Variants in PHF24 observed in about 807,000 individuals in gnomAD.
PHF24 encodes Galpha inhibitory interacting protein.
A neutral mutation model predicts 42.6 loss-of-function variants in PHF24; 25 were observed. The observed-to-expected ratio is 0.59, with a 90% CI of 0.43 to 0.82. The LOEUF is 0.82. PHF24 is among the 40% of genes least tolerant of loss of function. PHF24 has a pLI of 0.00. For synonymous variants in PHF24, 185 were observed against 204.8 expected (o/e 0.90, Z 0.83); for missense variants, 470 against 538.1 (o/e 0.87, Z 1.25).
the PHF24 span, among the ~76,000 whole-genome samples, chr9:34,893,628 A>G: frequency 6.6e-6 from 1 of 151,968 alleles, no homozygotes; most frequent in African/African-American, 2.4e-5. Context: ...AAAGAAAAGA[A>G]AAAGAAAAAG....
At chr9:34,943,171 C>A in the PHF24 span, among the ~76,000 whole-genome samples, 1 of 152,122 alleles carries the variant, frequency 6.6e-6, no homozygotes, top group Non-Finnish European at 1.5e-5. Flanking sequence ...CAGGACCCAC[C>A]CAGGGATGTG....
chr9:34,752,900 G>A, the PHF24 span, among the ~76,000 whole-genome samples: 1 of 152,098 alleles, frequency 6.6e-6, no homozygotes, highest in African/African-American at 2.4e-5. Flanking sequence ...ATCAATCAAT[G>A]TGATATATCA....
chr9:34,931,998 A>G, the PHF24 span, among the ~76,000 whole-genome samples: 1 of 152,182 alleles, frequency 6.6e-6, no homozygotes, highest in Non-Finnish European at 1.5e-5. Context: ...GAAAAGTGTA[A>G]GTCCTTATGG....
At chr9:34,723,700 A>G in the PHF24 span, 16 of 1,551,624 alleles carry the variant, frequency 1.0e-5, no homozygotes, top group Non-Finnish European at 1.4e-5. Context: ...GGCCCTGCAA[A>G]GGCTTAGCCT....
the PHF24 span, among the ~76,000 whole-genome samples, chr9:34,940,119 A>G: frequency 1.3e-5 from 2 of 152,164 alleles, no homozygotes; most frequent in African/African-American, 2.4e-5. Context: ...TAACTGCCAA[A>G]CTTCACCCTT....
the PHF24 span, among the ~76,000 whole-genome samples, chr9:34,780,810 T>C: frequency 1.3e-5 from 2 of 152,142 alleles, no homozygotes; most frequent in East Asian, 3.8e-4. Flanking sequence ...TGGATAGACA[T>C]TTTTCCAAAG....
chr9:34,673,685 G>C, the PHF24 span, among the ~76,000 whole-genome samples: 1 of 149,260 alleles, frequency 6.7e-6, no homozygotes, highest in Admixed American at 6.7e-5. Flanking sequence ...GCAGTGGTGT[G>C]ATCTCGGCTC....
chr9:34,731,867 T>C, the PHF24 span, among the ~76,000 whole-genome samples: 15 of 152,100 alleles, frequency 9.9e-5, no homozygotes, highest in African/African-American at 3.6e-4. Flanking sequence ...TTTTTCTTTT[T>C]TTGGACAGGT....
chr9:34,887,983 A>C, the PHF24 span, among the ~76,000 whole-genome samples: 1 of 148,982 alleles, frequency 6.7e-6, no homozygotes. Context: ...TCCCTTAAAC[A>C]TTTTACTGTG....
the PHF24 span, among the ~76,000 whole-genome samples, chr9:34,702,772 T>G: frequency 6.6e-6 from 1 of 152,114 alleles, no homozygotes; most frequent in South Asian, 2.1e-4. Flanking sequence ...ACTGCACCAT[T>G]GCACTCCAGC....
At chr9:34,953,884 T>C (rs1826312887), upstream of PHF24, among the ~76,000 whole-genome samples, 1 of 152,134 alleles carries the variant, frequency 6.6e-6, no homozygotes, top group Non-Finnish European at 1.5e-5. The surrounding 1 kb of genome is among the most constrained non-coding windows in gnomAD (Gnocchi z 4.1). Flanking sequence ...TGCAGTGAGC[T>C]GTGATTGCGC....
the PHF24 span, among the ~76,000 whole-genome samples, chr9:34,755,633 G>T: frequency 0.79 from 120,203 of 151,434 alleles, 48,410 homozygotes; most frequent in East Asian, 0.95. Context: ...TTTTAATTAT[G>T]ATTATTAATA....
the PHF24 span, among the ~76,000 whole-genome samples, chr9:34,767,580 T>G: frequency 6.6e-6 from 1 of 152,088 alleles, no homozygotes; most frequent in Non-Finnish European, 1.5e-5. Flanking sequence ...AGGGTGGGAG[T>G]GACCCAATTT....
chr9:34,667,294 C>T, the PHF24 span, among the ~76,000 whole-genome samples: 1 of 152,092 alleles, frequency 6.6e-6, no homozygotes, highest in Non-Finnish European at 1.5e-5. Context: ...GGAATGGATA[C>T]CCCTCTTCTC....
chr9:34,830,754 A>G, the PHF24 span, among the ~76,000 whole-genome samples: 1 of 152,098 alleles, frequency 6.6e-6, no homozygotes, highest in South Asian at 2.1e-4. Flanking sequence ...GGTCTGTAGG[A>G]GGGACTTTGT....
At chr9:34,750,829 T>A in the PHF24 span, among the ~76,000 whole-genome samples, 2 of 152,092 alleles carry the variant, frequency 1.3e-5, no homozygotes, top group African/African-American at 2.4e-5. Context: ...ACAAATTTTT[T>A]AAAAATGACA....
the PHF24 span, among the ~76,000 whole-genome samples, chr9:34,874,858 T>A: frequency 6.6e-6 from 1 of 152,154 alleles, no homozygotes; most frequent in Non-Finnish European, 1.5e-5. Context: ...ATTTAAGGGG[T>A]ACTTGAGATG....
the PHF24 span, among the ~76,000 whole-genome samples, chr9:34,859,326 C>T: frequency 6.6e-6 from 1 of 152,176 alleles, no homozygotes; most frequent in Non-Finnish European, 1.5e-5. Context: ...TAGAATGTTG[C>T]AAATAAGGGT....
the PHF24 span, among the ~76,000 whole-genome samples, chr9:34,867,284 T>C: frequency 3.3e-5 from 5 of 152,330 alleles, no homozygotes; most frequent in South Asian, 1.0e-3. Flanking sequence ...TCAGTTCCCA[T>C]TTAATGCAAT....
Sources: gnomAD v4.1 joint callset for allele counts (sites outside exome capture counted in the v4.1 genomes callset) on GRCh38, gnomAD v4.1.1 for gene constraint, Gnocchi (gnomAD v3.1) non-coding constraint, MANE v1.5 for transcripts, NCBI Gene and HGNC (gene_info 2026-07-23, HGNC 2026-07-21) for gene names.